KCNIP2: variants seen among roughly 807,000 people sequenced by gnomAD.
The protein encoded by KCNIP2 is potassium voltage-gated channel interacting protein 2.
In KCNIP2, 19 loss-of-function variants were observed where a neutral mutation model predicts 39.0. The observed-to-expected ratio is 0.49, with a 90% confidence interval of 0.34 to 0.71. The LOEUF (loss-of-function observed/expected upper bound fraction) is 0.71. Ranked by LOEUF, KCNIP2 falls within the 30% of genes least tolerant of loss-of-function variation. The probability of loss-of-function intolerance (pLI) is 0.01; values close to 1 mark genes in which losing one functional copy is unlikely to be tolerated. For synonymous variants in KCNIP2, 111 were observed against 131.2 expected (o/e 0.85, Z 1.05); for missense variants, 261 against 346.0 (o/e 0.75, Z 1.95).
At chr10:101,841,199 G>A (rs1014882810) in intron 1 of KCNIP2, among the ~76,000 whole-genome samples, 1 of 152,228 alleles carries the variant, frequency 6.6e-6, no homozygotes, top group Non-Finnish European at 1.5e-5. Context: ...AGGATGCCCT[G>A]AGGTGTAACT....
intron 2 of KCNIP2, 109 bp downstream of exon 2, chr10:101,830,963 C>T: frequency 2.9e-6 from 3 of 1,021,126 alleles, no homozygotes; most frequent in Non-Finnish European, 4.4e-6. Context: ...ACATGCAGGC[C>T]TGGAGCATGC....
chr10:101,840,803 C>T (rs189214127), intron 1 of KCNIP2, among the ~76,000 whole-genome samples: 1 of 152,160 alleles, frequency 6.6e-6, no homozygotes, highest in African/African-American at 2.4e-5. Flanking sequence ...CTATCCCCAC[C>T]GCAAAGCAGC....
intron 2 of KCNIP2, among the ~76,000 whole-genome samples, chr10:101,830,772 A>C (rs1369216008): frequency 6.9e-6 from 1 of 144,804 alleles, no homozygotes; most frequent in Non-Finnish European, 1.5e-5. Flanking sequence ...CTCCCCATAC[A>C]CACACACACG....
Position 101,828,893 on chromosome 10 carries a change from T to C in KCNIP2, c.348+182A>G. On this transcript the variant is annotated intron_variant, in intron 4 of 9. Coordinates refer to ENST00000356640, the MANE Select transcript of KCNIP2 (RefSeq NM_173191.3). This position sits in a 1 kb window ranked among gnomAD's most constrained non-coding sequence, Gnocchi z 6.6. ...AAAAAACATGGAACGAAACTGACAG[T>C]CTACAGGCGCCACTTCCGTTCTGGC... 6.5e-7 allele frequency: 1 copy of C among 1,535,244 alleles called. No individual in the cohort carries two copies. Among genetic ancestry groups the C allele is most frequent in the Non-Finnish European group, 8.8e-7 (1 of 1,138,874 alleles).
intron 1 of KCNIP2, among the ~76,000 whole-genome samples, chr10:101,835,179 A>G (rs2135180289): frequency 6.6e-6 from 1 of 152,178 alleles, no homozygotes; most frequent in South Asian, 2.1e-4. Flanking sequence ...TTGTCATTGT[A>G]TTGGCATGGA....
In KCNIP2 at chr10:101,826,316, A is replaced by C. The variant is rs1190928032; in HGVS notation, c.*1037T>G. ...ATCTGGGGTGGGGTGGGGAGAGCCC[A>C]GGTTGATTGAAGATTCTAGTGAATG... On this transcript the variant is annotated 3_prime_UTR_variant, in exon 10 of 10. Transcript: ENST00000356640. 1 of 152,744 alleles carries C rather than the reference A, an allele frequency of 6.5e-6. No individual in the cohort carries two copies. The highest frequency in any genetic ancestry group is 2.4e-5 in the African/African-American group (1 of 41,422). 9.5% of individuals were successfully genotyped at this position (152,744 alleles called of 1,614,324 possible).
At chr10:101,834,734 G>A (rs2135177783) in intron 1 of KCNIP2, among the ~76,000 whole-genome samples, 1 of 152,352 alleles carries the variant, frequency 6.6e-6, no homozygotes, top group African/African-American at 2.4e-5. Flanking sequence ...GGCAGAGGGA[G>A]GAGCTGAGCT....
intron 1 of KCNIP2, among the ~76,000 whole-genome samples, chr10:101,833,996 C>CA (rs1164350748): frequency 6.6e-6 from 1 of 152,028 alleles, no homozygotes; most frequent in African/African-American, 2.4e-5. Flanking sequence ...CTCCACACCC[C>CA]AGTCCTCCCA....
chr10:101,827,202 T>G lies in KCNIP2; in HGVS notation c.*151A>C. The G allele has an allele frequency of 7.4e-7, 1 of 1,350,172 alleles. No homozygotes were observed. Among genetic ancestry groups the G allele is most frequent in the African/African-American group, 1.5e-5 (1 of 68,778 alleles). The allele number at this position is 1,350,172 out of a possible 1,614,324, so 83.6% of individuals were successfully genotyped here. On this transcript the variant is annotated 3_prime_UTR_variant, in exon 10 of 10. Coordinates refer to ENST00000356640, the MANE Select transcript of KCNIP2 (RefSeq NM_173191.3). ...TCTCTGGCCCCTTCAGCTCCAGAGA[T>G]CTGGACTACTGAATCCCCAAGCTCT...
At position 101,828,969 on chromosome 10, in the gene KCNIP2, T is replaced by C; in HGVS notation, c.348+106A>G. 6.5e-7 allele frequency: 1 copy of C among 1,540,124 alleles called. No homozygotes were observed. The highest frequency in any genetic ancestry group is 8.8e-7 in the Non-Finnish European group (1 of 1,140,780). The stretch of plus-strand genomic sequence containing the variant: ...GTTCAGTCTCAGGGCCTTGCCTCCC[T>C]TCCGCCCACACCTCAAGCATCCAAG... On this transcript the variant is annotated intron_variant, in intron 4 of 9. Coordinates refer to ENST00000356640, the MANE Select transcript of KCNIP2 (RefSeq NM_173191.3). The surrounding 1 kb of genome is among the most constrained non-coding windows in gnomAD (Gnocchi z 6.6).
At position 101,838,233 on chromosome 10, in the gene KCNIP2, G is replaced by A. The variant is rs577385854; in HGVS notation, c.73+5263C>T. Among the ~76,000 whole-genome samples, 1 of 152,378 alleles carries A rather than the reference G, an allele frequency of 6.6e-6. No individual in the cohort carries two copies. Among genetic ancestry groups the A allele is most frequent in the South Asian group, 2.1e-4 (1 of 4,834 alleles). On this transcript the variant is annotated intron_variant, in intron 1 of 9. Coordinates refer to ENST00000356640, the MANE Select transcript of KCNIP2 (RefSeq NM_173191.3). The surrounding 1 kb of genome is among the most constrained non-coding windows in gnomAD (Gnocchi z 4.0). ...ATCTCTGTGGAAGCAATTTGGCAGA[G>A]TGGGAACTCAAGGGAAAACCATCTC...
chr10:101,827,489 C>CGG, intron 9 of KCNIP2, 89 bp from the exon 10 acceptor site: 1 of 1,434,322 alleles, frequency 7.0e-7, no homozygotes, highest in Non-Finnish European at 9.7e-7. Context: ...GAGTCACAGA[C>CGG]GGGGACATTC....
At chr10:101,841,579 C>G (rs1488150965) in intron 1 of KCNIP2, among the ~76,000 whole-genome samples, 1 of 152,190 alleles carries the variant, frequency 6.6e-6, no homozygotes, top group Non-Finnish European at 1.5e-5. Flanking sequence ...TGATACTTGT[C>G]AACATTTGAC....
chr10:101,831,089 A>C lies in KCNIP2; in HGVS notation c.152T>G (p.Leu51Arg), dbSNP rs762181863. 1 of 1,613,768 alleles carries C rather than the reference A, an allele frequency of 6.2e-7. No individual in the cohort carries two copies. ...GCACTTGCTTTCACTGACTGAGGGCAGGGCTTGGGGCCCGCAGCACGGCAG... is the reference window on the plus strand; with the variant it reads ...GCACTTGCTTTCACTGACTGAGGGCCGGGCTTGGGGCCCGCAGCACGGCAG... ...KLLPCCGPQA[L>R]PSVSETLAAP... Residue 51 changes from leucine to arginine, a missense_variant, in exon 2 of 10, where the codon CTG becomes CGG. Physicochemically the swap from Leu to Arg is moderately radical, Grantham distance 102. Coordinates refer to ENST00000356640, the MANE Select transcript of KCNIP2 (RefSeq NM_173191.3).
chr10:101,842,347 A>G (rs1470411987), intron 1 of KCNIP2, among the ~76,000 whole-genome samples: 1 of 151,918 alleles, frequency 6.6e-6, no homozygotes, highest in East Asian at 1.9e-4. Context: ...GGCCTCACAT[A>G]CCTCCCCATG....
At chr10:101,840,058 G>T (rs1374288730) in intron 1 of KCNIP2, among the ~76,000 whole-genome samples, 46 of 3,572 alleles carry the variant, frequency 0.013, no homozygotes, top group Non-Finnish European at 7.9e-3. Context: ...GTTCCTGGAC[G>T]GGGGGGGGGG....
At chr10:101,834,255 C>T (rs1489246015) in intron 1 of KCNIP2, 1 of 399,354 alleles carries the variant, frequency 2.5e-6, no homozygotes, top group Non-Finnish European at 4.4e-6. Flanking sequence ...CATGCCAGGA[C>T]ACCTGGATTA....
chr10:101,835,802 T>C (rs2066136636), intron 1 of KCNIP2, among the ~76,000 whole-genome samples: 1 of 152,216 alleles, frequency 6.6e-6, no homozygotes, highest in South Asian at 2.1e-4. Context: ...GATAATGCAC[T>C]ATGTGCTTAC....
intron 1 of KCNIP2, among the ~76,000 whole-genome samples, chr10:101,840,064 G>GA (rs1564674425): frequency 6.6e-6 from 1 of 151,706 alleles, no homozygotes; most frequent in South Asian, 2.1e-4. Context: ...GGACGGGGGG[G>GA]GGGGGTGGCG....
Sources: gnomAD v4.1 joint callset for allele counts (sites outside exome capture counted in the v4.1 genomes callset) on GRCh38, gnomAD v4.1.1 for gene constraint, Gnocchi (gnomAD v3.1) non-coding constraint, MANE v1.5 for transcripts, NCBI Gene and HGNC (gene_info 2026-07-23, HGNC 2026-07-21) for gene names.